Variants in TEX14 observed in about 807,000 individuals in gnomAD.
TEX14 encodes the protein testis expressed 14, intercellular bridge forming factor, also known as inactive serine/threonine-protein kinase TEX14.
A neutral mutation model predicts 178.6 loss-of-function variants in TEX14; 168 were observed. The ratio of observed to expected loss-of-function variants is 0.94; its 90% CI spans 0.83 to 1.07. The LOEUF (loss-of-function observed/expected upper bound fraction) is 1.07. Ranked by LOEUF, TEX14 falls within the 50% of genes least tolerant of loss-of-function variation. TEX14 has a pLI of 0.00. For synonymous variants in TEX14, 626 were observed against 634.1 expected (o/e 0.99, Z 0.19); for missense variants, 1,730 against 1,753.6 (o/e 0.99, Z 0.24).
chr17:58,675,107 T>C (rs953636507), intron 1 of TEX14, among the ~76,000 whole-genome samples: 5 of 150,646 alleles, frequency 3.3e-5, no homozygotes, highest in South Asian at 2.1e-4. Context: ...CATTGTGCCA[T>C]TGCACTCCAG....
At chr17:58,659,300 A>T (rs941675221) in intron 1 of TEX14, 2 of 971,438 alleles carry the variant, frequency 2.1e-6, no homozygotes, top group South Asian at 9.5e-5. Context: ...CCCGCCACAA[A>T]GACATTATTT....
intron 14 of TEX14, among the ~76,000 whole-genome samples, chr17:58,595,395 C>T (rs1316306254): frequency 6.6e-6 from 1 of 152,132 alleles, no homozygotes; most frequent in Non-Finnish European, 1.5e-5. Context: ...TCCTGTCCAC[C>T]CTGCCACGCC....
chr17:58,569,140 G>A lies in TEX14; in HGVS notation c.3886+52C>T. ...AGACAAAGACACCATACTGTGGTCA[G>A]TGACATAACTAACAGGGCCGAGAAG... On this transcript the variant is annotated intron_variant, in intron 26 of 31. Coordinates refer to ENST00000349033, the MANE Select transcript of TEX14 (RefSeq NM_031272.5). This position sits in a 1 kb window ranked among gnomAD's most constrained non-coding sequence, Gnocchi z 4.1. The A allele has an allele frequency of 3.5e-6, 5 of 1,431,232 alleles. No individual in the cohort carries two copies. The highest frequency in any genetic ancestry group is 4.9e-6 in the Non-Finnish European group (5 of 1,016,278). 88.7% of individuals were successfully genotyped at this position (1,431,232 alleles called of 1,614,324 possible).
chr17:58,609,520 G>A (rs1166006765), intron 10 of TEX14, among the ~76,000 whole-genome samples: 1 of 152,160 alleles, frequency 6.6e-6, no homozygotes. Flanking sequence ...TGGAATTATA[G>A]GCATGAGCCA....
chr17:58,654,975 T>C (rs1295759253), intron 1 of TEX14, among the ~76,000 whole-genome samples: 1 of 151,412 alleles, frequency 6.6e-6, no homozygotes, highest in East Asian at 1.9e-4. Flanking sequence ...TTTTAGTTGG[T>C]CTGCTGAGTT....
intron 19 of TEX14, chr17:58,581,482 C>G: frequency 9.6e-7 from 1 of 1,041,020 alleles, no homozygotes; most frequent in Non-Finnish European, 1.4e-6. Flanking sequence ...ACACTCCTGA[C>G]ACCAAAAAAG....
In TEX14 at chr17:58,574,223, G is replaced by C. The variant is rs1378268776; in HGVS notation, c.3347C>G (p.Ser1116Ter). The C allele has an allele frequency of 6.2e-7, 1 of 1,613,392 alleles. No individual in the cohort carries two copies. Among genetic ancestry groups the C allele is most frequent in the Non-Finnish European group, 8.5e-7 (1 of 1,179,488 alleles). ...RSTEDEQEET[S>*]KESPKELKEK... ...TTTCAGTTCCTTTGGTGACTCCTTT[G>C]ATGTCTCTTCTTGTTCATCTTCAGT... The change falls in exon 22 of 32, where the codon TCA becomes TGA. Residue 1116 changes from serine (S) to a stop codon, truncating the protein, a stop_gained. Transcript: ENST00000349033. LOFTEE classifies it high-confidence loss of function.
intron 1 of TEX14, among the ~76,000 whole-genome samples, chr17:58,657,904 T>G (rs2047003142): frequency 6.6e-6 from 1 of 152,210 alleles, no homozygotes; most frequent in Non-Finnish European, 1.5e-5. Context: ...TACAAGATTC[T>G]GACCCTTCCT....
At chr17:58,577,482 T>C in intron 20 of TEX14, 26 bp from the exon 21 acceptor site, 2 of 913,430 alleles carry the variant, frequency 2.2e-6, no homozygotes, top group South Asian at 2.4e-5. Context: ...TAAAAATATA[T>C]ATATATATTT....
intron 19 of TEX14, among the ~76,000 whole-genome samples, chr17:58,582,848 G>A (rs991935653): frequency 4.6e-5 from 7 of 151,782 alleles, no homozygotes; most frequent in Non-Finnish European, 1.0e-4. Context: ...ATAGGTGTGA[G>A]CCACCGCGAC....
intron 2 of TEX14, among the ~76,000 whole-genome samples, chr17:58,639,273 C>G (rs780016906): frequency 9.9e-5 from 15 of 152,024 alleles, no homozygotes; most frequent in Non-Finnish European, 2.1e-4. Flanking sequence ...GACAATGATA[C>G]AATGATCTTG....
intron 4 of TEX14, 77 bp from the exon 5 acceptor site, chr17:58,621,863 T>TG (rs2046006448): frequency 2.7e-6 from 4 of 1,485,012 alleles, no homozygotes; most frequent in Non-Finnish European, 3.6e-6. Context: ...TGAAGATAAG[T>TG]GGTCCGAGGA....
At chr17:58,637,853 TGCC>T (rs1329495824) in intron 2 of TEX14, among the ~76,000 whole-genome samples, 4 of 148,280 alleles carry the variant, frequency 2.7e-5, no homozygotes, top group Non-Finnish European at 4.5e-5. Flanking sequence ...TACAACCTAC[TGCC>T]TTTTTTTTTT....
At chr17:58,558,509 T>C (rs975743678) in intron 30 of TEX14, among the ~76,000 whole-genome samples, 7 of 152,066 alleles carry the variant, frequency 4.6e-5, no homozygotes, top group African/African-American at 1.2e-4. Context: ...GGGCCTGTCA[T>C]TGGCAAACAG....
intron 3 of TEX14, among the ~76,000 whole-genome samples, chr17:58,627,598 G>A (rs745432049): frequency 1.4e-4 from 21 of 151,788 alleles, no homozygotes; most frequent in Non-Finnish European, 2.5e-4. Context: ...AGGTGAAACC[G>A]CATCTCTACT....
At chr17:58,577,135 T>G (rs2044697960) in intron 21 of TEX14, among the ~76,000 whole-genome samples, 1 of 152,166 alleles carries the variant, frequency 6.6e-6, no homozygotes, top group Admixed American at 6.5e-5. Context: ...AATAGAGGGG[T>G]TGAGAACCTT....
intron 26 of TEX14, 22 bp from the exon 27 acceptor site, chr17:58,565,846 A>C: frequency 6.3e-7 from 1 of 1,587,394 alleles, no homozygotes; most frequent in East Asian, 2.3e-5. Flanking sequence ...CAAAAGCCAA[A>C]GGAAACTTAT....
chr17:58,685,959 C>T (rs1172181031), intron 1 of TEX14, among the ~76,000 whole-genome samples: 1 of 141,082 alleles, frequency 7.1e-6, no homozygotes, highest in Non-Finnish European at 1.5e-5. Flanking sequence ...CACACCACCG[C>T]ACTCCAGCCT....
At chr17:58,644,168 G>A (rs1318251417) in intron 2 of TEX14, among the ~76,000 whole-genome samples, 1 of 152,052 alleles carries the variant, frequency 6.6e-6, no homozygotes, top group Non-Finnish European at 1.5e-5. Flanking sequence ...AATCAATCAT[G>A]CCTACATAAT....
Sources: allele counts gnomAD v4.1 joint callset (sites outside exome capture counted in the v4.1 genomes callset), GRCh38; gene constraint gnomAD v4.1.1; non-coding constraint Gnocchi (gnomAD v3.1); transcripts MANE v1.5; gene names NCBI Gene and HGNC (gene_info 2026-07-23, HGNC 2026-07-21).